Variants in OR51I2 observed in about 807,000 individuals in gnomAD.
OR51I2 encodes olfactory receptor family 51 subfamily I member 2, also known as olfactory receptor 51I2.
In OR51I2, 6 loss-of-function variants were observed where a neutral mutation model predicts 9.3. The observed-to-expected ratio is 0.64, with a 90% CI of 0.35 to 1.27. OR51I2 has a LOEUF of 1.27. Among genes scored for constraint, OR51I2 ranks in the 50% most tolerant of loss-of-function variants. The probability of loss-of-function intolerance (pLI) is 0.03; values close to 1 mark genes in which losing one functional copy is unlikely to be tolerated. For missense variants in OR51I2, 489 were observed against 396.4 expected (o/e 1.23, Z -1.98); for synonymous variants, 179 against 143.1 (o/e 1.25, Z -1.79).
rs1264694208 is a variant in OR51I2, at chr11:5,453,699, GTGGCCATATCCA to G, written c.218_229del (p.Ile73_Ala76del). On this transcript the variant is annotated inframe_deletion, in exon 2 of 2. Transcript: ENST00000641930. ...CCTGTCCATGTTGTCCTTCAGTGAT[GTGGCCATATCCA>G]TGGCCACACTGCCCACTGTACTCCG... The G allele has an allele frequency of 6.2e-7, 1 of 1,613,670 alleles. No homozygotes were observed. Among genetic ancestry groups the G allele is most frequent in the East Asian group, 2.2e-5 (1 of 44,872 alleles).
rs199654892 is a variant in OR51I2 at position 5,454,201 on chromosome 11, T to C, written c.713T>C (p.Leu238Pro). 14 of 1,613,956 alleles carry C rather than the reference T, an allele frequency of 8.7e-6. No individual in the cohort carries two copies. The highest frequency in any genetic ancestry group is 1.1e-5 in the Non-Finnish European group (13 of 1,179,930). Residue 238 changes from leucine to proline, a missense_variant, in exon 2 of 2, where the codon CTC (leucine) becomes CCC (proline). Transcript: ENST00000641930. The stretch of plus-strand genomic sequence containing the variant: ...TCCCGTGAGGAACGCCTCAAAGCTC[T>C]CAACACATGTGTGTCACATATCCTG... ...TASREERLKA[L>P]NTCVSHILAV...
intron 1 of OR51I2, among the ~76,000 whole-genome samples, chr11:5,451,694 G>A (rs1850851965): frequency 6.6e-6 from 1 of 152,110 alleles, no homozygotes; most frequent in African/African-American, 2.4e-5. Flanking sequence ...ATGTTCCTGG[G>A]TCCCCTTTCT....
chr11:5,451,016 A>T (rs1001943014), intron 1 of OR51I2, among the ~76,000 whole-genome samples: 1 of 152,242 alleles, frequency 6.6e-6, no homozygotes, highest in African/African-American at 2.4e-5. Flanking sequence ...AACTGTGAGG[A>T]AAGCTCATCT....
chr11:5,453,610 G>C lies in OR51I2; in HGVS notation c.122G>C (p.Gly41Ala), dbSNP rs867120171. Reference protein sequence around the residue: ...LCVMYAVALGGNTVILQAVRV... With the variant: ...LCVMYAVALGANTVILQAVRV... ...GTGATGTATGCTGTGGCCCTTGGGG[G>C]AAATACAGTGATCCTGCAGGCTGTG... The change falls in exon 2 of 2, where the codon GGA becomes GCA. Residue 41 changes from glycine to alanine, a missense_variant. Gly to Ala is a moderately conservative substitution (Grantham distance 60). Coordinates refer to ENST00000641930, the MANE Select transcript of OR51I2 (RefSeq NM_001004754.3). 1 of 1,613,642 alleles carries C rather than the reference G, an allele frequency of 6.2e-7. No individual in the cohort carries two copies. The highest frequency in any genetic ancestry group is 8.5e-7 in the Non-Finnish European group (1 of 1,179,870).
At chr11:5,450,464 G>A (rs76208842) in intron 1 of OR51I2, among the ~76,000 whole-genome samples, 10 of 152,006 alleles carry the variant, frequency 6.6e-5, no homozygotes, top group African/African-American at 1.9e-4. Context: ...ATATTTCTAC[G>A]CTTATATAGC....
intron 1 of OR51I2, among the ~76,000 whole-genome samples, chr11:5,450,087 G>A (rs903679950): frequency 3.3e-5 from 5 of 152,084 alleles, no homozygotes; most frequent in Admixed American, 6.5e-5. Flanking sequence ...CTCAGAGAAT[G>A]TCCTTAAAAA....
intron 1 of OR51I2, among the ~76,000 whole-genome samples, chr11:5,450,296 C>T (rs888906847): frequency 2.6e-5 from 4 of 151,920 alleles, no homozygotes; most frequent in African/African-American, 7.3e-5. Flanking sequence ...GGCTGGGGCA[C>T]AAGAATCACC....
At position 5,454,184 on chromosome 11, in the gene OR51I2, G is replaced by A; in HGVS notation, c.696G>A (p.Glu232=). 6.2e-7 allele frequency: 1 copy of A among 1,608,680 alleles called. No homozygotes were observed. Among genetic ancestry groups the A allele is most frequent in the Non-Finnish European group, 8.5e-7 (1 of 1,176,802 alleles). ...LRSVMATASR[E]ERLKALNTCV... is the part of the protein sequence containing the mutation. ...CTGTCATGGCCACTGCTTCCCGTGA[G>A]GAACGCCTCAAAGCTCTCAACACAT... Residue 232 remains glutamate (E), a synonymous_variant, in exon 2 of 2, where the codon GAG becomes GAA. Transcript: ENST00000641930.
chr11:5,452,504 C>CAAAAAAAAAAAA (rs56677841), intron 1 of OR51I2, among the ~76,000 whole-genome samples: 16 of 69,216 alleles, frequency 2.3e-4, no homozygotes, highest in East Asian at 7.3e-4. Context: ...GACTCTGTCT[C>CAAAAAAAAAAAA]AAAAAAAAAA....
Position 5,453,607 on chromosome 11 carries a change from G to A in OR51I2, c.119G>A (p.Gly40Glu). Reference protein sequence around the residue: ...PLCVMYAVALGGNTVILQAVR... With the variant: ...PLCVMYAVALEGNTVILQAVR... ...TGCGTGATGTATGCTGTGGCCCTTG[G>A]GGGAAATACAGTGATCCTGCAGGCT... Residue 40 changes from glycine (G) to glutamate (E), a missense_variant, in exon 2 of 2, where the codon GGG becomes GAG. Coordinates refer to ENST00000641930, the MANE Select transcript of OR51I2 (RefSeq NM_001004754.3). 6.2e-7 allele frequency: 1 copy of A among 1,613,672 alleles called. No individual in the cohort carries two copies. Among genetic ancestry groups the A allele is most frequent in the South Asian group, 1.1e-5 (1 of 90,992 alleles).
chr11:5,451,119 A>G (rs905533664), intron 1 of OR51I2, among the ~76,000 whole-genome samples: 18 of 152,238 alleles, frequency 1.2e-4, no homozygotes, highest in African/African-American at 3.9e-4. Flanking sequence ...CATGCGTTCA[A>G]TAAGTATTCA....
At position 5,454,476 on chromosome 11, in the gene OR51I2, C is replaced by G. The variant is rs765851103; in HGVS notation, c.*49C>G. 1.4e-6 allele frequency: 2 copies of G among 1,397,064 alleles called. No homozygotes were observed. Among genetic ancestry groups the G allele is most frequent in the Admixed American group, 3.6e-5 (2 of 55,276 alleles). 86.5% of individuals were successfully genotyped at this position (1,397,064 alleles called of 1,614,324 possible). ...TGTTATTTTGGCCATAGGCTCTCATCAGTAGCATCGTCATCATCATCATCA... is the reference window on the plus strand; with the variant it reads ...TGTTATTTTGGCCATAGGCTCTCATGAGTAGCATCGTCATCATCATCATCA... On this transcript the variant is annotated 3_prime_UTR_variant, in exon 2 of 2. Coordinates refer to ENST00000641930, the MANE Select transcript of OR51I2 (RefSeq NM_001004754.3).
chr11:5,453,890 T>C lies in OR51I2; in HGVS notation c.402T>C (p.Thr134=). The C allele has an allele frequency of 6.2e-7, 1 of 1,614,238 alleles. No homozygotes were observed. The highest frequency in any genetic ancestry group is 8.5e-7 in the Non-Finnish European group (1 of 1,180,038). The change falls in exon 2 of 2, where the codon ACT becomes ACC. Residue 134 remains threonine, a synonymous_variant. Coordinates refer to ENST00000641930, the MANE Select transcript of OR51I2 (RefSeq NM_001004754.3). The stretch of plus-strand genomic sequence containing the variant: ...TTTGTGACCCCTTGCGCTATGCAAC[T>C]GTGCTCACCACTGAAGTCATTGCTG... ...VAICDPLRYA[T]VLTTEVIAAM...
intron 1 of OR51I2, among the ~76,000 whole-genome samples, chr11:5,449,579 C>T (rs1850814403): frequency 6.6e-6 from 1 of 152,188 alleles, no homozygotes; most frequent in South Asian, 2.1e-4. Flanking sequence ...GATTGTATAA[C>T]CCCAAGCGAT....
intron 1 of OR51I2, among the ~76,000 whole-genome samples, chr11:5,452,504 CAAAAAAAAAAAAAAAAAAA>C (rs56677841): frequency 0.018 from 1,266 of 69,088 alleles, 19 homozygotes; most frequent in Middle Eastern, 0.032. Flanking sequence ...GACTCTGTCT[CAAAAAAAAAAAAAAAAAAA>C]AAAAAAAAAA....
In OR51I2 at chr11:5,453,645, C is replaced by A; in HGVS notation, c.157C>A (p.Pro53Thr). The change falls in exon 2 of 2, where the codon CCC becomes ACC. Residue 53 changes from proline (P) to threonine (T), a missense_variant. Pro to Thr is a conservative substitution (Grantham distance 38). Transcript: ENST00000641930. ...TVILQAVRVE[P>T]SLHEPMYYFL... ...GATCCTGCAGGCTGTGCGAGTGGAG[C>A]CCAGCCTCCATGAGCCCATGTACTA... 1.9e-6 allele frequency: 3 copies of A among 1,613,522 alleles called. No homozygotes were observed. In the Admixed American group the frequency reaches 5.0e-5, roughly 27 times the overall value.
rs1850939103 is a variant in OR51I2, at chr11:5,455,541, G to A, written c.*1114G>A. The A allele has an allele frequency of 1.4e-5, 1 of 69,490 alleles. No individual in the cohort carries two copies. The highest frequency in any genetic ancestry group is 3.6e-5 in the Non-Finnish European group (1 of 27,554). The allele number at this position is 69,490 out of a possible 1,614,324, so 4.3% of individuals were successfully genotyped here. A position where few individuals can be genotyped will look rare whatever the true frequency, so the allele number is the denominator to read the frequency against. On this transcript the variant is annotated 3_prime_UTR_variant, in exon 2 of 2. Transcript: ENST00000641930. ...CTACTTGTAGATCAAAAGAGAGCGA[G>A]GGATTGGGGGAGAAAGAAGGGGGGA...
In OR51I2 at chr11:5,455,810, T is replaced by G. The variant is rs1850950105; in HGVS notation, c.*1383T>G. 2 of 152,100 alleles carry G rather than the reference T, an allele frequency of 1.3e-5. No individual in the cohort carries two copies. Among genetic ancestry groups the G allele is most frequent in the African/African-American group, 4.8e-5 (2 of 41,422 alleles). 9.4% of individuals were successfully genotyped at this position (152,100 alleles called of 1,614,324 possible). A position where few individuals can be genotyped will look rare whatever the true frequency, so the allele number is the denominator to read the frequency against. On this transcript the variant is annotated 3_prime_UTR_variant, in exon 2 of 2. Transcript: ENST00000641930. ...ATGAGATAATGTAAGTACTTGGGAT[T>G]CAGATTTTTTTCAAAAATGTCTACA...
chr11:5,455,584 A>AAAGAGAGAGGAGAGAGAGAAAGAGG lies in OR51I2; in HGVS notation c.*1165_*1166insGGAGAGAGAGAAAGAGGAAGAGAGA, dbSNP rs1850942541. ...AGGGGGGAGAGAGAGAGAGAAAGAGAAAGAGAGAAAGAGAAAAAGAGAAAG... is the reference window on the plus strand; with the variant it reads ...AGGGGGGAGAGAGAGAGAGAAAGAGAAAGAGAGAGGAGAGAGAGAAAGAGGAAGAGAGAAAGAGAAAAAGAGAAAG... On this transcript the variant is annotated 3_prime_UTR_variant, in exon 2 of 2. Coordinates refer to ENST00000641930, the MANE Select transcript of OR51I2 (RefSeq NM_001004754.3). The AAAGAGAGAGGAGAGAGAGAAAGAGG allele has an allele frequency of 1.3e-5, 2 of 150,426 alleles. No homozygotes were observed. The highest frequency in any genetic ancestry group is 2.5e-5 in the African/African-American group (1 of 40,456). 9.3% of individuals were successfully genotyped at this position (150,426 alleles called of 1,614,324 possible).
Sources: allele counts gnomAD v4.1 joint callset (sites outside exome capture counted in the v4.1 genomes callset), GRCh38; gene constraint gnomAD v4.1.1; transcripts MANE v1.5; gene names NCBI Gene and HGNC (gene_info 2026-07-23, HGNC 2026-07-21).